Variants in DCLK1 observed in about 807,000 individuals in gnomAD.
The protein encoded by DCLK1 is serine/threonine-protein kinase DCLK1.
In DCLK1, 16 loss-of-function variants were observed where a neutral mutation model predicts 86.2. The observed-to-expected ratio is 0.19, with a 90% confidence interval of 0.13 to 0.28. The LOEUF (loss-of-function observed/expected upper bound fraction) is 0.28, where lower values mean the gene tolerates loss of function less well. DCLK1 is among the 10% of genes least tolerant of loss of function. The probability of loss-of-function intolerance (pLI) is 1.00; values close to 1 mark genes in which losing one functional copy is unlikely to be tolerated. For synonymous variants in DCLK1, 369 were observed against 370.5 expected (o/e 1.00, Z 0.05); for missense variants, 590 against 940.2 (o/e 0.63, Z 4.87).
At chr13:35,923,130 G>A (rs757745664) in intron 4 of DCLK1, among the ~76,000 whole-genome samples, 4 of 152,164 alleles carry the variant, frequency 2.6e-5, no homozygotes, top group Non-Finnish European at 5.9e-5. Context: ...AAACTACCCA[G>A]GAAAAGAATG....
intron 3 of DCLK1, among the ~76,000 whole-genome samples, chr13:36,005,421 A>T (rs143373788): frequency 1.1e-3 from 163 of 152,364 alleles, no homozygotes; most frequent in Non-Finnish European, 2.0e-3. Context: ...TGATGATCAC[A>T]TATAAGGAAA....
At chr13:35,876,048 T>C (rs1269136237) in intron 4 of DCLK1, among the ~76,000 whole-genome samples, 3 of 152,060 alleles carry the variant, frequency 2.0e-5, no homozygotes, top group African/African-American at 7.2e-5. Context: ...GGCAGACAAA[T>C]GGGTGATGGT....
intron 11 of DCLK1, among the ~76,000 whole-genome samples, chr13:35,811,899 C>G (rs1476520745): frequency 6.6e-6 from 1 of 151,888 alleles, no homozygotes; most frequent in African/African-American, 2.4e-5. Flanking sequence ...AAAAACTATA[C>G]TTATAGTAAA....
chr13:35,985,089 T>TA (rs1391719930), intron 3 of DCLK1, among the ~76,000 whole-genome samples: 1 of 152,154 alleles, frequency 6.6e-6, no homozygotes, highest in Non-Finnish European at 1.5e-5. Flanking sequence ...TGTGTGCGCT[T>TA]AAAATAGAAG....
At chr13:35,883,235 A>C (rs1873024701) in intron 4 of DCLK1, among the ~76,000 whole-genome samples, 1 of 152,184 alleles carries the variant, frequency 6.6e-6, no homozygotes, top group African/African-American at 2.4e-5. Flanking sequence ...CTGATCCCCC[A>C]TGTGGGAGGC....
chr13:35,973,259 G>A (rs968770319), intron 3 of DCLK1, among the ~76,000 whole-genome samples: 9 of 152,170 alleles, frequency 5.9e-5, no homozygotes, highest in African/African-American at 2.2e-4. Flanking sequence ...GTGAGCTGAG[G>A]AGCAAAGGGG....
intron 3 of DCLK1, among the ~76,000 whole-genome samples, chr13:36,063,306 G>A (rs770516340): frequency 1.3e-5 from 2 of 152,004 alleles, no homozygotes; most frequent in Non-Finnish European, 2.9e-5. Context: ...AGGGTCCCAG[G>A]GATATTACAA....
chr13:35,976,305 G>C (rs1344170154), intron 3 of DCLK1, among the ~76,000 whole-genome samples: 1 of 152,044 alleles, frequency 6.6e-6, no homozygotes, highest in African/African-American at 2.4e-5. Context: ...TGACTTTGGA[G>C]CAGCTGCAGC....
chr13:36,087,054 C>T (rs1244124818), intron 3 of DCLK1, among the ~76,000 whole-genome samples: 1 of 152,190 alleles, frequency 6.6e-6, no homozygotes, highest in African/African-American at 2.4e-5. Context: ...ACACTGTCTT[C>T]CACAATGGTT....
At chr13:36,071,409 C>T (rs943909841) in intron 3 of DCLK1, among the ~76,000 whole-genome samples, 2 of 152,086 alleles carry the variant, frequency 1.3e-5, no homozygotes, top group African/African-American at 4.8e-5. Context: ...ATTATACTCA[C>T]TTCAGATATG....
chr13:35,886,945 C>G (rs1304419726), intron 4 of DCLK1, among the ~76,000 whole-genome samples: 2 of 152,198 alleles, frequency 1.3e-5, no homozygotes, highest in Admixed American at 6.5e-5. Flanking sequence ...AGATTCTAAG[C>G]TTCCCCATGG....
At chr13:35,785,789 G>T (rs1383199418) in intron 16 of DCLK1, among the ~76,000 whole-genome samples, 1 of 152,174 alleles carries the variant, frequency 6.6e-6, no homozygotes, top group Non-Finnish European at 1.5e-5. Context: ...GATTGTTTGT[G>T]TTAGAAAGTT....
intron 3 of DCLK1, among the ~76,000 whole-genome samples, chr13:35,958,141 C>T (rs144924370): frequency 0.039 from 717 of 18,334 alleles, 4 homozygotes; most frequent in East Asian, 0.11. Flanking sequence ...ACTATAACCA[C>T]CACCACCACC....
At chr13:35,979,037 A>T (rs1187670464) in intron 3 of DCLK1, among the ~76,000 whole-genome samples, 1 of 152,186 alleles carries the variant, frequency 6.6e-6, no homozygotes, top group Non-Finnish European at 1.5e-5. Flanking sequence ...CTTTATTTTT[A>T]AAATGAGAAA....
rs554790775 is a variant in DCLK1, at chr13:35,806,831, C to T, written c.1864-1052G>A. On this transcript the variant is annotated intron_variant, in intron 14 of 16. Transcript: ENST00000360631. The stretch of plus-strand genomic sequence containing the variant: ...AGAGCCCCCGGCCCTGCAGCTGTAT[C>T]GTCCCATCTCCTTTAGCCTGCGCCT... Among the ~76,000 whole-genome samples, 37 of 152,288 alleles carry T rather than the reference C, an allele frequency of 2.4e-4. No homozygotes were observed. In the South Asian group the frequency reaches 6.6e-3, roughly 27 times the overall value.
chr13:36,071,334 A>C (rs957706797), intron 3 of DCLK1, among the ~76,000 whole-genome samples: 5 of 152,208 alleles, frequency 3.3e-5, no homozygotes, highest in African/African-American at 1.2e-4. Flanking sequence ...TAAAATTAAC[A>C]TTTGTGTGGC....
At chr13:35,939,920 A>AT (rs1876986026) in intron 4 of DCLK1, among the ~76,000 whole-genome samples, 1 of 152,216 alleles carries the variant, frequency 6.6e-6, no homozygotes, top group Admixed American at 6.5e-5. Context: ...TAAGAGATAA[A>AT]AGCCACTAGA....
intron 3 of DCLK1, among the ~76,000 whole-genome samples, chr13:36,004,902 A>C (rs913038868): frequency 1.3e-5 from 2 of 152,202 alleles, no homozygotes; most frequent in African/African-American, 4.8e-5. Context: ...AAATAGTAAT[A>C]GTTGCTACCA....
rs1471276827 is a variant in DCLK1 at position 35,769,045 on chromosome 13, A to C, written c.*5490T>G. ...CATGTTTTACATAAAAACAGGCAAC[A>C]TCAAAAAAGCTCAGTTGATAAATGA... On this transcript the variant is annotated 3_prime_UTR_variant, in exon 17 of 17. Coordinates refer to ENST00000360631, the MANE Select transcript of DCLK1 (RefSeq NM_001330071.2). 2 of 152,254 alleles carry C rather than the reference A, an allele frequency of 1.3e-5. No individual in the cohort carries two copies. The highest frequency in any genetic ancestry group is 2.9e-5 in the Non-Finnish European group (2 of 68,048). The allele number at this position is 152,254 out of a possible 1,614,324, so 9.4% of individuals were successfully genotyped here.
Sources: allele counts gnomAD v4.1 joint callset (sites outside exome capture counted in the v4.1 genomes callset), GRCh38; gene constraint gnomAD v4.1.1; transcripts MANE v1.5; gene names NCBI Gene and HGNC (gene_info 2026-07-23, HGNC 2026-07-21).